Variants in GRM4 observed in about 807,000 individuals in gnomAD.
GRM4 encodes metabotropic glutamate receptor 4.
Under a neutral mutation model 81.7 loss-of-function variants are expected in GRM4, and 28 were observed. That is an observed-to-expected ratio of 0.34 (90% CI 0.25 to 0.47). The LOEUF is 0.47. Among genes scored for constraint, GRM4 ranks in the 20% least tolerant of loss-of-function variants. GRM4 has a pLI of 1.00. For synonymous variants in GRM4, 488 were observed against 528.8 expected, an observed-to-expected ratio of 0.92 and a Z score of 1.06; for missense variants, 948 against 1,290.0, an observed-to-expected ratio of 0.73 and a Z score of 4.06.
At chr6:34,101,666 G>T (rs553920913) in intron 2 of GRM4, among the ~76,000 whole-genome samples, 2 of 152,352 alleles carry the variant, frequency 1.3e-5, no homozygotes, top group South Asian at 2.1e-4. Flanking sequence ...ACTAAGGGCT[G>T]AAGTGGCCCA....
intron 2 of GRM4, among the ~76,000 whole-genome samples, chr6:34,118,049 A>G (rs1249679148): frequency 6.6e-6 from 1 of 152,254 alleles, no homozygotes; most frequent in Non-Finnish European, 1.5e-5. Flanking sequence ...ACAGAACCAT[A>G]TAGATGCTGT....
Position 34,069,102 on chromosome 6 carries a change from T to C in GRM4, c.737-7074A>G, listed in dbSNP as rs1179999863. ...GGGCAGGAGAGCAGGTCCCCCCGGCTCCCATAGGGGAGGACAGAGGGGAGG... is the reference window on the plus strand; with the variant it reads ...GGGCAGGAGAGCAGGTCCCCCCGGCCCCCATAGGGGAGGACAGAGGGGAGG... On this transcript the variant is annotated intron_variant, in intron 3 of 10. Coordinates refer to ENST00000538487, the MANE Select transcript of GRM4 (RefSeq NM_000841.4). This position sits in a 1 kb window ranked among gnomAD's most constrained non-coding sequence, Gnocchi z 6.4. Among the ~76,000 whole-genome samples, 1 of 150,064 alleles carries C rather than the reference T, an allele frequency of 6.7e-6. No homozygotes were observed. Among genetic ancestry groups the C allele is most frequent in the Non-Finnish European group, 1.5e-5 (1 of 67,694 alleles).
chr6:34,075,848 T>C (rs1767284356), intron 3 of GRM4, among the ~76,000 whole-genome samples: 1 of 152,236 alleles, frequency 6.6e-6, no homozygotes, highest in East Asian at 1.9e-4. Flanking sequence ...GTCTTTCCCA[T>C]TTCTAACCAC....
At chr6:34,132,877 G>T in intron 2 of GRM4, 101 bp downstream of exon 2, 1 of 944,346 alleles carries the variant, frequency 1.1e-6, no homozygotes, top group Non-Finnish European at 1.6e-6. Context: ...GAGGAAAAAA[G>T]GAGGAAAAAG....
intron 1 of GRM4, among the ~76,000 whole-genome samples, chr6:34,138,669 T>C (rs1395077959): frequency 2.0e-5 from 3 of 152,218 alleles, no homozygotes; most frequent in Non-Finnish European, 4.4e-5. Context: ...CCCTGCCAGC[T>C]GCACTGTGCG....
In GRM4 at chr6:34,020,630, C is replaced by T. The variant is rs9469681; in HGVS notation, c.*2191G>A. ...GGCTGGAGCACTGGGTGGAATCTTT[C>T]CTGGGCAGAGGTCTTAGGAACCATT... On this transcript the variant is annotated 3_prime_UTR_variant, in exon 11 of 11. Transcript: ENST00000538487. 0.14 allele frequency: 20,480 copies of T among 148,168 alleles called. 2,880 individuals carry two copies. The highest frequency in any genetic ancestry group is 0.37 in the African/African-American group (15,019 of 40,688). The allele number at this position is 148,168 out of a possible 1,614,324, so 9.2% of individuals were successfully genotyped here.
chr6:34,070,025 C>T lies in GRM4; in HGVS notation c.737-7997G>A, dbSNP rs1465486577. Among the ~76,000 whole-genome samples, 1 of 152,206 alleles carries T rather than the reference C, an allele frequency of 6.6e-6. No homozygotes were observed. Among genetic ancestry groups the T allele is most frequent in the East Asian group, 1.9e-4 (1 of 5,182 alleles). On this transcript the variant is annotated intron_variant, in intron 3 of 10. Transcript: ENST00000538487. This position sits in a 1 kb window ranked among gnomAD's most constrained non-coding sequence, Gnocchi z 4.6. ...CCACACTTGCTGGACGAATGGAGAA[C>T]TGAGTTCCTGACTGACGGGGTTTTG...
At chr6:34,081,449 G>GTCC (rs1767588680) in intron 3 of GRM4, among the ~76,000 whole-genome samples, 1 of 152,244 alleles carries the variant, frequency 6.6e-6, no homozygotes, top group Non-Finnish European at 1.5e-5. Context: ...CAGGCTCAAG[G>GTCC]GCTCTGGGAA....
intron 3 of GRM4, among the ~76,000 whole-genome samples, chr6:34,077,557 A>G (rs191076048): frequency 6.6e-6 from 1 of 152,112 alleles, no homozygotes; most frequent in African/African-American, 2.4e-5. Context: ...TCACACCTTC[A>G]GTGGCTCTCA....
At chr6:34,116,326 C>T (rs1769595658) in intron 2 of GRM4, among the ~76,000 whole-genome samples, 1 of 152,182 alleles carries the variant, frequency 6.6e-6, no homozygotes, top group Non-Finnish European at 1.5e-5. Flanking sequence ...GCTGGCGACT[C>T]ACACAAGATA....
chr6:34,143,473 G>A (rs1770788683), intron 1 of GRM4, among the ~76,000 whole-genome samples: 1 of 152,188 alleles, frequency 6.6e-6, no homozygotes, highest in Non-Finnish European at 1.5e-5. Context: ...CCTGCGCTAT[G>A]GGTGCTCACA....
rs192961724 is a variant in GRM4, at chr6:34,113,001, G to A, written c.519+19977C>T. Among the ~76,000 whole-genome samples the A allele has an allele frequency of 1.3e-3, 203 of 152,210 alleles. 1 individual carries two copies. The highest frequency in any genetic ancestry group is 7.9e-4 in the Non-Finnish European group (54 of 68,022). ...GGTCTGTCCTTAACCATTCCCTTTG[G>A]TCATTCCCTCTGGGTTTGAAAATTG... On this transcript the variant is annotated intron_variant, in intron 2 of 10. Transcript: ENST00000538487.
intron 1 of GRM4, among the ~76,000 whole-genome samples, chr6:34,145,561 TGAGAGCGAGCTAGAGAGCGCGCTG>T (rs1481623756): frequency 4.0e-5 from 6 of 151,206 alleles, no homozygotes; most frequent in South Asian, 2.1e-4. Context: ...GGAAAAAAAA[TGAGAGCGAGCTAGAGAGCGCGCTG>T]GAGAGCGAGC....
Position 34,082,069 on chromosome 6 carries a change from ACAGATCCCTGTCCAGTGGGAGC to A in GRM4, c.736+9792_736+9813del, listed in dbSNP as rs1767629722. On this transcript the variant is annotated intron_variant, in intron 3 of 10. Transcript: ENST00000538487. ...TCCCTGTCCAATGGGAGCCTGCGGG[ACAGATCCCTGTCCAGTGGGAGC>A]CTGCGGGACAGATCCCTGTCCAGTG... Among the ~76,000 whole-genome samples, 8 of 30,236 alleles carry A rather than the reference ACAGATCCCTGTCCAGTGGGAGC, an allele frequency of 2.6e-4. No homozygotes were observed. The African/African-American group carries it at 3.2e-3, about 12-fold the overall frequency. 19.8% of individuals were successfully genotyped at this position (30,236 alleles called of 152,430 possible). A position where few individuals can be genotyped will look rare whatever the true frequency, so the allele number is the denominator to read the frequency against.
intron 2 of GRM4, chr6:34,110,691 T>A: frequency 6.6e-7 from 1 of 1,517,672 alleles, no homozygotes. Flanking sequence ...GGAGCGTGTG[T>A]CTGCCTCAGC....
At chr6:34,127,156 T>A (rs770950788) in intron 2 of GRM4, among the ~76,000 whole-genome samples, 1 of 152,056 alleles carries the variant, frequency 6.6e-6, no homozygotes, top group Admixed American at 6.6e-5. Flanking sequence ...GGGAACTCAA[T>A]AGCAAAAAGG....
chr6:34,112,639 C>G (rs933388677), intron 2 of GRM4, among the ~76,000 whole-genome samples: 1 of 152,106 alleles, frequency 6.6e-6, no homozygotes, highest in African/African-American at 2.4e-5. Context: ...AGCTGGAAAC[C>G]CTATCCTGGC....
intron 6 of GRM4, among the ~76,000 whole-genome samples, chr6:34,044,630 G>GCACA (rs141185968): frequency 0.5 from 47,995 of 96,232 alleles, 10,477 homozygotes; most frequent in African/African-American, 0.69. Flanking sequence ...ATATATACAC[G>GCACA]CAGACACACA....
At chr6:34,151,625 G>A (rs1187112240) in intron 1 of GRM4, among the ~76,000 whole-genome samples, 1 of 152,182 alleles carries the variant, frequency 6.6e-6, no homozygotes, top group East Asian at 1.9e-4. Context: ...CTGGCCCTGG[G>A]AGGAGACCTG....
Sources: gnomAD v4.1 joint callset for allele counts (sites outside exome capture counted in the v4.1 genomes callset) on GRCh38, gnomAD v4.1.1 for gene constraint, Gnocchi (gnomAD v3.1) non-coding constraint, MANE v1.5 for transcripts, NCBI Gene and HGNC (gene_info 2026-07-23, HGNC 2026-07-21) for gene names.